Variants in DYNC2H1 observed in about 807,000 individuals in gnomAD.
DYNC2H1 encodes dynein cytoplasmic 2 heavy chain 1.
In DYNC2H1, 410 loss-of-function variants were observed where a neutral mutation model predicts 570.0. The ratio of observed to expected loss-of-function variants is 0.72; its 90% CI spans 0.66 to 0.78. The LOEUF (loss-of-function observed/expected upper bound fraction) is 0.78, where lower values mean the gene tolerates loss of function less well. DYNC2H1 is among the 30% of genes least tolerant of loss of function. The probability of loss-of-function intolerance (pLI) is 0.00; values close to 1 mark genes in which losing one functional copy is unlikely to be tolerated. For missense variants in DYNC2H1, 4,865 were observed against 5,046.4 expected (o/e 0.96, Z 1.09); for synonymous variants, 1,688 against 1,677.6 (o/e 1.01, Z -0.15).
At chr11:103,192,732 A>G (rs550558980) in intron 47 of DYNC2H1, among the ~76,000 whole-genome samples, 2 of 152,318 alleles carry the variant, frequency 1.3e-5, no homozygotes, top group South Asian at 4.1e-4. Context: ...ACACCAGTCA[A>G]AGCTGCTGTG....
Position 103,186,213 on chromosome 11 carries a change from A to AC in DYNC2H1, c.6634-29_6634-28insC. On this transcript the variant is annotated intron_variant, in intron 41 of 88. Coordinates refer to ENST00000375735, the MANE Select transcript of DYNC2H1 (RefSeq NM_001377.3). This position sits in a 1 kb window ranked among gnomAD's most constrained non-coding sequence, Gnocchi z 4.5. ...AATGTCACACACTCTGGAGTATGTG[A>AC]AAACTTATCACAATTTTTTCCTCTT... 1 of 1,594,570 alleles carries AC rather than the reference A, an allele frequency of 6.3e-7. No homozygotes were observed. Among genetic ancestry groups the AC allele is most frequent in the Admixed American group, 1.7e-5 (1 of 57,926 alleles).
At position 103,305,050 on chromosome 11, in the gene DYNC2H1, G is replaced by T. The variant is rs1270804319; in HGVS notation, c.11382+330G>T. Among the ~76,000 whole-genome samples the T allele has an allele frequency of 6.6e-6, 1 of 152,066 alleles. No individual in the cohort carries two copies. Among genetic ancestry groups the T allele is most frequent in the African/African-American group, 2.4e-5 (1 of 41,396 alleles). ...TCTGTATTGGGAGAAGAGACATAGT[G>T]GGGTGTCAGAGGGAACTGCCTAACT... On this transcript the variant is annotated intron_variant, in intron 77 of 88. Transcript: ENST00000375735. This position sits in a 1 kb window ranked among gnomAD's most constrained non-coding sequence, Gnocchi z 4.3.
chr11:103,321,186 G>A lies in DYNC2H1; in HGVS notation c.11883G>A (p.Lys3961=). The A allele has an allele frequency of 6.2e-7, 1 of 1,611,704 alleles. No homozygotes were observed. Among genetic ancestry groups the A allele is most frequent in the Non-Finnish European group, 8.5e-7 (1 of 1,178,716 alleles). ...TTGATGTATTCAACCAAAGGAACAA[G>A]AAAAGCATTTTTCCATATTCCGTAT... ...SVIDVFNQRN[K]KSIFPYSVSL... is the part of the protein sequence containing the mutation. The change falls in exon 81 of 89, where the codon AAG becomes AAA. Residue 3961 remains lysine (K), a synonymous_variant. Transcript: ENST00000375735.
chr11:103,218,811 G>T lies in DYNC2H1; in HGVS notation c.8833-1104G>T, dbSNP rs542802560. On this transcript the variant is annotated intron_variant, in intron 55 of 88. Transcript: ENST00000375735. ...AGCAAAGACCCAGGAGAATAACTGT[G>T]CATCTCATAAGTTAATAATTTTGCT... Among the ~76,000 whole-genome samples, 16 of 152,250 alleles carry T rather than the reference G, an allele frequency of 1.1e-4. No homozygotes were observed. In the East Asian group the frequency reaches 2.9e-3, roughly 28 times the overall value.
intron 1 of DYNC2H1, among the ~76,000 whole-genome samples, chr11:103,111,716 A>G (rs966084082): frequency 6.6e-6 from 1 of 152,154 alleles, no homozygotes; most frequent in African/African-American, 2.4e-5. Flanking sequence ...TAAAGCTATT[A>G]CTAGTAAAGC....
chr11:103,298,862 AAGT>A (rs1359513906), intron 75 of DYNC2H1, among the ~76,000 whole-genome samples: 1 of 152,124 alleles, frequency 6.6e-6, no homozygotes, highest in Non-Finnish European at 1.5e-5. Flanking sequence ...GTATTTATGA[AAGT>A]AGTCTTGATT....
In DYNC2H1 at chr11:103,241,768, G is replaced by A. The variant is rs1478483198; in HGVS notation, c.9820-1925G>A. On this transcript the variant is annotated intron_variant, in intron 63 of 88. Transcript: ENST00000375735. The surrounding 1 kb of genome is among the most constrained non-coding windows in gnomAD (Gnocchi z 5.1). ...GTGAAATCTCTAGAAATAGATGCTG[G>A]GTGATGCTCATACAGTGTAACGTGG... is the stretch of plus-strand genomic sequence containing the variant. Among the ~76,000 whole-genome samples the A allele has an allele frequency of 6.6e-6, 1 of 152,068 alleles. No individual in the cohort carries two copies. The highest frequency in any genetic ancestry group is 1.5e-5 in the Non-Finnish European group (1 of 68,006).
At chr11:103,224,479 C>T (rs1338436506) in intron 59 of DYNC2H1, among the ~76,000 whole-genome samples, 6 of 152,160 alleles carry the variant, frequency 3.9e-5, no homozygotes, top group African/African-American at 9.7e-5. Flanking sequence ...TTAGCTCCTA[C>T]GTGAGTGAGA....
Position 103,120,743 on chromosome 11 carries a change from C to CA in DYNC2H1, c.1195dup (p.Ile399AsnfsTer27), listed in dbSNP as rs1187668418. On this transcript the variant is annotated frameshift_variant, in exon 8 of 89. Transcript: ENST00000375735. LOFTEE classifies it high-confidence loss of function. ...TGAAAAGATTATTGCACCTGCGGAA[C>CA]AAAAAATAGCAGGAAAATTGAAAAA... is the stretch of plus-strand genomic sequence containing the variant. 2 of 1,601,828 alleles carry CA rather than the reference C, an allele frequency of 1.2e-6. No individual in the cohort carries two copies. Among genetic ancestry groups the CA allele is most frequent in the Non-Finnish European group, 1.7e-6 (2 of 1,173,506 alleles).
chr11:103,220,887 A>G (rs1353509224), intron 57 of DYNC2H1, 104 bp downstream of exon 57: 2 of 1,112,186 alleles, frequency 1.8e-6, no homozygotes, highest in East Asian at 5.2e-5. Context: ...CACTTCATCT[A>G]AATACATGGG....
Position 103,147,805 on chromosome 11 carries a change from C to T in DYNC2H1, c.2736C>T (p.Cys912=). 6.2e-7 allele frequency: 1 copy of T among 1,609,380 alleles called. No individual in the cohort carries two copies. The highest frequency in any genetic ancestry group is 8.5e-7 in the Non-Finnish European group (1 of 1,178,522). ...AGGTAGATTGTTTAAATATTAATTGCAACCCTGTGAAGACTGTGATTGATG... is the reference window on the plus strand; with the variant it reads ...AGGTAGATTGTTTAAATATTAATTGTAACCCTGTGAAGACTGTGATTGATG... The part of the protein sequence containing the change: ...AVKVDCLNIN[C]NPVKTVIDDL... Residue 912 remains cysteine, a synonymous_variant, in exon 19 of 89, where the codon TGC becomes TGT. Transcript: ENST00000375735.
At chr11:103,233,175 A>G (rs571522661) in intron 60 of DYNC2H1, among the ~76,000 whole-genome samples, 1 of 151,864 alleles carries the variant, frequency 6.6e-6, no homozygotes, top group South Asian at 2.1e-4. Flanking sequence ...TGAATTTTAG[A>G]TCCTCTGCTG....
In DYNC2H1 at chr11:103,158,694, T is replaced by C; in HGVS notation, c.4145T>C (p.Ile1382Thr). 5 of 1,525,074 alleles carry C rather than the reference T, an allele frequency of 3.3e-6. No homozygotes were observed. The highest frequency in any genetic ancestry group is 2.4e-5 in the East Asian group (1 of 42,210). 94.5% of individuals were successfully genotyped at this position (1,525,074 alleles called of 1,614,324 possible). The change falls in exon 27 of 89, where the codon ATC becomes ACC. Residue 1382 changes from isoleucine to threonine, a missense_variant. Physicochemically the swap from Ile to Thr is moderately conservative, Grantham distance 89. Coordinates refer to ENST00000375735, the MANE Select transcript of DYNC2H1 (RefSeq NM_001377.3). The part of the protein sequence containing the change: ...DEDFRSIMTD[I>T]KKDNRVTTLT... ...TTTTGTAGATCAATAATGACTGATA[T>C]CAAGAAAGACAATAGAGTCACAACA...
chr11:103,418,705 G>C (rs1943372242), intron 84 of DYNC2H1, among the ~76,000 whole-genome samples: 1 of 152,134 alleles, frequency 6.6e-6, no homozygotes, highest in Non-Finnish European at 1.5e-5. Context: ...AGCAGTGTGG[G>C]GTAATGGCCC....
chr11:103,348,796 A>G (rs902500198), intron 82 of DYNC2H1, among the ~76,000 whole-genome samples: 28 of 152,064 alleles, frequency 1.8e-4, no homozygotes, highest in Admixed American at 1.7e-3. Flanking sequence ...CATATCCCCC[A>G]TGTGTCAAGG....
At chr11:103,455,908 C>T (rs531313521) in intron 86 of DYNC2H1, among the ~76,000 whole-genome samples, 4 of 152,186 alleles carry the variant, frequency 2.6e-5, no homozygotes, top group Non-Finnish European at 5.9e-5. Flanking sequence ...TGTTTAGTAA[C>T]TCTCAGGGGT....
At position 103,245,233 on chromosome 11, in the gene DYNC2H1, T is replaced by C. The variant is rs974823258; in HGVS notation, c.9919-18T>C. On this transcript the variant is annotated intron_variant, in intron 64 of 88. Transcript: ENST00000375735. The surrounding 1 kb of genome is among the most constrained non-coding windows in gnomAD (Gnocchi z 4.5). Reference sequence around the variant, plus strand: ...AAGTAATTAAATAATTAATACGTATTCTTTTTTATTCAATTAGGATAGTAA... The same window carrying C: ...AAGTAATTAAATAATTAATACGTATCCTTTTTTATTCAATTAGGATAGTAA... 11 of 1,489,152 alleles carry C rather than the reference T, an allele frequency of 7.4e-6. No homozygotes were observed. Among genetic ancestry groups the C allele is most frequent in the Non-Finnish European group, 9.9e-6 (11 of 1,107,936 alleles). 92.2% of individuals were successfully genotyped at this position (1,489,152 alleles called of 1,614,324 possible). A position where few individuals can be genotyped will look rare whatever the true frequency, so the allele number is the denominator to read the frequency against.
Position 103,329,842 on chromosome 11 carries a change from T to A in DYNC2H1, c.12039+5852T>A, listed in dbSNP as rs116994991. On this transcript the variant is annotated intron_variant, in intron 82 of 88. Coordinates refer to ENST00000375735, the MANE Select transcript of DYNC2H1 (RefSeq NM_001377.3). ...AACTATAAATATTGTTTGAGTTGAT[T>A]GAAAAAATATCTTAAAATATTTTTG... Among the ~76,000 whole-genome samples, 828 of 152,316 alleles carry A rather than the reference T, an allele frequency of 5.4e-3. 5 individuals are homozygous for A. Among genetic ancestry groups the A allele is most frequent in the Non-Finnish European group, 9.7e-3 (657 of 68,006 alleles).
intron 47 of DYNC2H1, 31 bp from the exon 48 acceptor site, chr11:103,197,902 T>C (rs1438283488): frequency 6.4e-7 from 1 of 1,554,752 alleles, no homozygotes; most frequent in East Asian, 2.4e-5. Flanking sequence ...GAGTAATGCA[T>C]ATAAAACAAA....
Sources: allele counts gnomAD v4.1 joint callset (sites outside exome capture counted in the v4.1 genomes callset), GRCh38; gene constraint gnomAD v4.1.1; non-coding constraint Gnocchi (gnomAD v3.1); transcripts MANE v1.5; gene names NCBI Gene and HGNC (gene_info 2026-07-23, HGNC 2026-07-21).